CLUAP1: variants seen among roughly 807,000 people sequenced by gnomAD.
CLUAP1 encodes intraflagellar transport 38.
CLUAP1 carries 50 observed loss-of-function variants against 55.0 expected under a neutral mutation model. That is an observed-to-expected ratio of 0.91 (90% CI 0.72 to 1.15). CLUAP1 has a LOEUF of 1.15. Among genes scored for constraint, CLUAP1 ranks in the 50% most tolerant of loss-of-function variants. The pLI is 0.00. For synonymous variants in CLUAP1, 195 were observed against 175.4 expected, an observed-to-expected ratio of 1.11 and a Z score of -0.88; for missense variants, 530 against 507.6, an observed-to-expected ratio of 1.04 and a Z score of -0.42.
intron 1 of CLUAP1, 126 bp downstream of exon 1, chr16:3,501,215 G>A: frequency 2.0e-6 from 2 of 1,001,940 alleles, no homozygotes; most frequent in Admixed American, 2.3e-5. Context: ...GGGCCTCTGC[G>A]CCTCAGGGAC....
In CLUAP1 at chr16:3,523,173, T is replaced by A. The variant is rs2037874072; in HGVS notation, c.729T>A (p.Asp243Glu). The A allele has an allele frequency of 2.5e-6, 4 of 1,610,766 alleles. No homozygotes were observed. The highest frequency in any genetic ancestry group is 3.4e-6 in the Non-Finnish European group (4 of 1,179,020). Reference protein sequence around the residue: ...TLQSVRPCFMDEYEKTEEELQ... With the variant: ...TLQSVRPCFMEEYEKTEEELQ... ...CTTCTTTTAGGCCATGTTTTATGGA[T>A]GAGTATGAGAAGACTGAGGAAGAAT... Residue 243 changes from aspartate (D) to glutamate (E), a missense_variant, in exon 8 of 12, where the codon GAT becomes GAA. Physicochemically the swap from Asp to Glu is conservative, Grantham distance 45. Coordinates refer to ENST00000576634, the MANE Select transcript of CLUAP1 (RefSeq NM_015041.3).
In CLUAP1 at chr16:3,510,542, G is replaced by A. The variant is rs73503328; in HGVS notation, c.400-1841G>A. On this transcript the variant is annotated intron_variant, in intron 4 of 11. Coordinates refer to ENST00000576634, the MANE Select transcript of CLUAP1 (RefSeq NM_015041.3). ...TCACGGGATGAGGCATGGGTTGAGA[G>A]TAAGTCAGGTGCTACAGGCCGGGTC... Among the ~76,000 whole-genome samples the A allele has an allele frequency of 4.1e-3, 621 of 152,284 alleles. 6 individuals are homozygous for A. The highest frequency in any genetic ancestry group is 0.014 in the African/African-American group (588 of 41,536).
chr16:3,497,212 GA>G (rs372521770), upstream of CLUAP1, among the ~76,000 whole-genome samples: 3,644 of 146,182 alleles, frequency 0.025, 71 homozygotes, highest in East Asian at 0.042. Flanking sequence ...ATTCATACTT[GA>G]AAAAAAAAAA....
At chr16:3,501,879 A>G (rs73503320) in intron 1 of CLUAP1, among the ~76,000 whole-genome samples, 1,654 of 152,174 alleles carry the variant, frequency 0.011, 28 homozygotes, top group African/African-American at 0.034. Context: ...ACGATCTGCC[A>G]GGGCCCGCTC....
chr16:3,536,445 A>C lies in CLUAP1; in HGVS notation c.*174A>C. The stretch of plus-strand genomic sequence containing the variant: ...CCTATGTTTGCATTCCATGAAGCTT[A>C]AATAAGAATTGAAGCAAATCCCTAA... On this transcript the variant is annotated 3_prime_UTR_variant, in exon 12 of 12. Transcript: ENST00000576634. 1.6e-6 allele frequency: 1 copy of C among 608,572 alleles called. No individual in the cohort carries two copies. Among genetic ancestry groups the C allele is most frequent in the Non-Finnish European group, 2.7e-6 (1 of 366,880 alleles). The allele number at this position is 608,572 out of a possible 1,614,324, so 37.7% of individuals were successfully genotyped here.
upstream of CLUAP1, among the ~76,000 whole-genome samples, chr16:3,498,963 G>C (rs953294745): frequency 6.6e-6 from 1 of 152,156 alleles, no homozygotes. Flanking sequence ...TCTGATAAGG[G>C]TCTCATAGGC....
rs906570264 is a variant in CLUAP1 at position 3,526,589 on chromosome 16, CT to C, written c.928+112del. 2.0e-4 allele frequency: 105 copies of C among 535,868 alleles called. 1 individual carries two copies. Among genetic ancestry groups the C allele is most frequent in the African/African-American group, 1.8e-3 (88 of 49,384 alleles). The allele number at this position is 535,868 out of a possible 1,614,324, so 33.2% of individuals were successfully genotyped here. ...TATATTTTTTAATATGTATTTTCTTCTTTTTTTCAGCAGTTTTTTTTTTACT... is the reference window on the plus strand; with the variant it reads ...TATATTTTTTAATATGTATTTTCTTCTTTTTTCAGCAGTTTTTTTTTTACT... On this transcript the variant is annotated intron_variant, in intron 9 of 11. Coordinates refer to ENST00000576634, the MANE Select transcript of CLUAP1 (RefSeq NM_015041.3).
In CLUAP1 at chr16:3,515,547, A is replaced by G; in HGVS notation, c.535A>G (p.Asn179Asp). 6.2e-7 allele frequency: 1 copy of G among 1,601,984 alleles called. No individual in the cohort carries two copies. The highest frequency in any genetic ancestry group is 8.5e-7 in the Non-Finnish European group (1 of 1,176,932). ...AGCCATTGCCAGACCTCTGGAAATA[A>G]ACGAGACTGAAAAAGTGATGAGAAT... is the stretch of plus-strand genomic sequence containing the variant. Reference protein sequence around the residue: ...TEAIARPLEINETEKVMRIAI... With the variant: ...TEAIARPLEIDETEKVMRIAI... Residue 179 changes from asparagine to aspartate, a missense_variant, in exon 6 of 12, where the codon AAC (asparagine) becomes GAC (aspartate). Physicochemically the swap from Asn to Asp is conservative, Grantham distance 23. Transcript: ENST00000576634.
chr16:3,504,906 C>T (rs2037473784), intron 2 of CLUAP1, 75 bp downstream of exon 2: 13 of 904,744 alleles, frequency 1.4e-5, no homozygotes, highest in Non-Finnish European at 1.9e-6. Context: ...AAACAGGACA[C>T]AGCTGTGATG....
intron 5 of CLUAP1, among the ~76,000 whole-genome samples, chr16:3,512,926 T>C (rs1195449951): frequency 6.6e-6 from 1 of 152,168 alleles, no homozygotes; most frequent in Non-Finnish European, 1.5e-5. Context: ...GTGATCTGCC[T>C]GCCTTGGCCT....
At chr16:3,504,614 C>A in intron 1 of CLUAP1, 106 bp from the exon 2 acceptor site, 1 of 710,936 alleles carries the variant, frequency 1.4e-6, no homozygotes, top group Non-Finnish European at 2.6e-6. Context: ...GTCCCTAAAG[C>A]TGTCAATAGG....
chr16:3,513,537 C>T (rs945904892), intron 5 of CLUAP1, among the ~76,000 whole-genome samples: 2 of 152,152 alleles, frequency 1.3e-5, no homozygotes, highest in African/African-American at 4.8e-5. Flanking sequence ...AAAACCTCCG[C>T]CTCCCAGGTT....
At chr16:3,512,955 C>T (rs552599398) in intron 5 of CLUAP1, among the ~76,000 whole-genome samples, 4 of 152,312 alleles carry the variant, frequency 2.6e-5, no homozygotes, top group African/African-American at 9.6e-5. Context: ...GCTGGGATTA[C>T]CGGTGTGAGC....
intron 10 of CLUAP1, among the ~76,000 whole-genome samples, chr16:3,531,752 C>T (rs554906315): frequency 2.0e-4 from 31 of 152,036 alleles, no homozygotes; most frequent in African/African-American, 7.0e-4. Context: ...TGCAACCAGA[C>T]GGTATGTATG....
chr16:3,505,244 A>T (rs1433543217), intron 2 of CLUAP1, among the ~76,000 whole-genome samples: 3 of 151,928 alleles, frequency 2.0e-5, no homozygotes, highest in African/African-American at 7.3e-5. Flanking sequence ...CAAAAAACAA[A>T]ATCAGGCCGG....
intron 1 of CLUAP1, among the ~76,000 whole-genome samples, chr16:3,502,925 C>A (rs116486713): frequency 6.6e-6 from 1 of 152,190 alleles, no homozygotes; most frequent in Admixed American, 6.5e-5. Context: ...TTGACTAGTA[C>A]CTAGTGGTCA....
intron 10 of CLUAP1, among the ~76,000 whole-genome samples, 199 bp from the exon 11 acceptor site, chr16:3,532,587 A>T (rs921294334): frequency 5.9e-5 from 9 of 151,680 alleles, no homozygotes; most frequent in African/African-American, 1.9e-4. Context: ...GCTAATGTTT[A>T]AAAAAATTTC....
At chr16:3,505,546 CAAAAAAAAAAAA>C (rs1230388490) in intron 2 of CLUAP1, among the ~76,000 whole-genome samples, 2 of 59,618 alleles carry the variant, frequency 3.4e-5, no homozygotes, top group South Asian at 5.2e-4. Flanking sequence ...GACTCCGTCT[CAAAAAAAAAAAA>C]AAAAAAAAAA....
In CLUAP1 at chr16:3,535,983, C is replaced by G; in HGVS notation, c.1093-139C>G. 6 of 955,214 alleles carry G rather than the reference C, an allele frequency of 6.3e-6. No individual in the cohort carries two copies. In the South Asian group the frequency reaches 1.0e-4, roughly 16 times the overall value. 59.2% of individuals were successfully genotyped at this position (955,214 alleles called of 1,614,324 possible). ...AGCCTCAGTCCCATCTGTATGCCCT[C>G]CCACAGCCTGCTTGCCACTCTGCCA... On this transcript the variant is annotated intron_variant, in intron 11 of 11. Transcript: ENST00000576634.
Sources: allele counts gnomAD v4.1 joint callset (sites outside exome capture counted in the v4.1 genomes callset), GRCh38; gene constraint gnomAD v4.1.1; transcripts MANE v1.5; gene names NCBI Gene and HGNC (gene_info 2026-07-23, HGNC 2026-07-21).